The following ZCCHC24 variants were observed in gnomAD, a reference collection of about 807,000 sequenced individuals.
The protein encoded by ZCCHC24 is zinc finger CCHC-type containing 24, also known as zinc finger CCHC domain-containing protein 24.
A neutral mutation model predicts 26.2 loss-of-function variants in ZCCHC24; 10 were observed. The ratio of observed to expected loss-of-function variants is 0.38; its 90% confidence interval spans 0.24 to 0.65. ZCCHC24 has a LOEUF of 0.65. Among genes scored for constraint, ZCCHC24 ranks in the 30% least tolerant of loss-of-function variants. The pLI, the probability that ZCCHC24 is intolerant of heterozygous loss-of-function variation, is 0.54. For missense variants in ZCCHC24, 243 were observed against 329.1 expected, an observed-to-expected ratio of 0.74 and a Z score of 2.03; for synonymous variants, 144 against 147.1, an observed-to-expected ratio of 0.98 and a Z score of 0.15.
At chr10:79,393,004 C>A (rs1328549521) in intron 3 of ZCCHC24, among the ~76,000 whole-genome samples, 1 of 152,220 alleles carries the variant, frequency 6.6e-6, no homozygotes, top group Non-Finnish European at 1.5e-5. Flanking sequence ...CGACCCCACC[C>A]CAGGCTTCTA....
intron 2 of ZCCHC24, among the ~76,000 whole-genome samples, chr10:79,397,598 C>T (rs1449245513): frequency 6.6e-6 from 1 of 152,198 alleles, no homozygotes; most frequent in African/African-American, 2.4e-5. Flanking sequence ...GAAGCATCTA[C>T]GTCTTCAGAG....
chr10:79,389,159 C>T (rs147175883), intron 3 of ZCCHC24, among the ~76,000 whole-genome samples: 7 of 152,322 alleles, frequency 4.6e-5, no homozygotes, highest in East Asian at 3.9e-4. Flanking sequence ...ACAGGCACAG[C>T]GCTCTCCCCT....
At chr10:79,437,747 C>T (rs1019917102) in intron 1 of ZCCHC24, among the ~76,000 whole-genome samples, 8 of 152,244 alleles carry the variant, frequency 5.3e-5, no homozygotes, top group African/African-American at 1.7e-4. Context: ...GGTTCTGCTG[C>T]AGAATACGGG....
chr10:79,386,704 G>A (rs1856403048), intron 3 of ZCCHC24, among the ~76,000 whole-genome samples: 1 of 152,144 alleles, frequency 6.6e-6, no homozygotes. Context: ...CGGTGCCGGG[G>A]CCCTCCTCCT....
intron 2 of ZCCHC24, among the ~76,000 whole-genome samples, chr10:79,424,015 C>G (rs534824839): frequency 1.4e-5 from 1 of 72,772 alleles, no homozygotes; most frequent in Admixed American, 1.4e-4. Flanking sequence ...GAGACTCCGT[C>G]TGAAAAAAAA....
At chr10:79,445,148 G>GCGGTGGGA (rs1409394927) in intron 1 of ZCCHC24, 47 bp downstream of exon 1, 1 of 1,258,856 alleles carries the variant, frequency 7.9e-7, no homozygotes, top group African/African-American at 1.6e-5. Context: ...CCACGGTGGG[G>GCGGTGGGA]CGGTGGGGCG....
chr10:79,438,533 C>T (rs1857249318), intron 1 of ZCCHC24, among the ~76,000 whole-genome samples: 1 of 152,296 alleles, frequency 6.6e-6, no homozygotes, highest in African/African-American at 2.4e-5. Context: ...AAAGCTGACC[C>T]ATGGGCCAGG....
At chr10:79,441,933 G>A (rs1241357548) in intron 1 of ZCCHC24, among the ~76,000 whole-genome samples, 1 of 152,240 alleles carries the variant, frequency 6.6e-6, no homozygotes, top group Non-Finnish European at 1.5e-5. Context: ...AGGGGCCCAA[G>A]AGGCCATCTT....
intron 1 of ZCCHC24, chr10:79,444,230 C>A: frequency 6.7e-7 from 1 of 1,483,202 alleles, no homozygotes; most frequent in South Asian, 1.4e-5. Context: ...GTCTGAAATT[C>A]CCAAATGAGG....
rs1856431468 is a variant in ZCCHC24 at position 79,388,594 on chromosome 10, C to T, written c.613-2136G>A. The stretch of plus-strand genomic sequence containing the variant: ...CAGTCGTGAAGTGTCCCCTCCAGCA[C>T]ACCAAAACAAAGCTGGTTTGCAGCC... On this transcript the variant is annotated intron_variant, in intron 3 of 3. Coordinates refer to ENST00000372336, the MANE Select transcript of ZCCHC24 (RefSeq NM_153367.4). Among the ~76,000 whole-genome samples, 3 of 152,206 alleles carry T rather than the reference C, an allele frequency of 2.0e-5. No homozygotes were observed. The South Asian group carries it at 6.2e-4, about 32-fold the overall frequency.
At chr10:79,401,868 C>T (rs1856637203) in intron 2 of ZCCHC24, among the ~76,000 whole-genome samples, 1 of 152,252 alleles carries the variant, frequency 6.6e-6, no homozygotes, top group Non-Finnish European at 1.5e-5. Flanking sequence ...CCTGCTGGCC[C>T]CTGTCCTGCC....
At chr10:79,410,715 T>G (rs1856778664) in intron 2 of ZCCHC24, among the ~76,000 whole-genome samples, 1 of 137,814 alleles carries the variant, frequency 7.3e-6, no homozygotes, top group South Asian at 2.3e-4. Context: ...TCTCTTTGGC[T>G]GCTGAGTGGA....
At position 79,445,570 on chromosome 10, in the gene ZCCHC24, C is replaced by A; in HGVS notation, c.-130G>T. On this transcript the variant is annotated 5_prime_UTR_variant, in exon 1 of 4. In the 5' UTR this introduces an upstream ATG that the reference lacks. Coordinates refer to ENST00000372336, the MANE Select transcript of ZCCHC24 (RefSeq NM_153367.4). ...GCCCCGACGGTGATCGCCCCGCGCC[C>A]TGCGCCCCGCGCGCTGCCCGCAGCC... 1.2e-6 allele frequency: 1 copy of A among 817,752 alleles called. No individual in the cohort carries two copies. Among genetic ancestry groups the A allele is most frequent in the South Asian group, 5.6e-5 (1 of 18,010 alleles). The allele number at this position is 817,752 out of a possible 1,614,324, so 50.7% of individuals were successfully genotyped here.
At chr10:79,398,454 CTCT>C (rs973907727) in intron 2 of ZCCHC24, among the ~76,000 whole-genome samples, 34 of 152,302 alleles carry the variant, frequency 2.2e-4, no homozygotes, top group African/African-American at 7.7e-4. Flanking sequence ...CAGGGTGATT[CTCT>C]TCTTCGTTGC....
chr10:79,405,869 C>T (rs1479339498), intron 2 of ZCCHC24, among the ~76,000 whole-genome samples: 2 of 152,252 alleles, frequency 1.3e-5, no homozygotes, highest in Admixed American at 6.5e-5. Context: ...CAGTTTGGGG[C>T]CACTCTGGCA....
rs1420993950 is a variant in ZCCHC24 at position 79,432,625 on chromosome 10, C to T, written c.380G>A (p.Arg127Gln). 10 of 1,608,492 alleles carry T rather than the reference C, an allele frequency of 6.2e-6. No individual in the cohort carries two copies. The highest frequency in any genetic ancestry group is 1.7e-5 in the Admixed American group (1 of 58,994). ...GTGGCACAGGTAGTTGGGTGGGGGCCGCTTGCTGGGCTTGCGAGCCTCGGA... is the reference window on the plus strand; with the variant it reads ...GTGGCACAGGTAGTTGGGTGGGGGCTGCTTGCTGGGCTTGCGAGCCTCGGA... ...LTSEARKPSK[R>Q]PPPNYLCHLC... is the part of the protein sequence containing the mutation. Residue 127 changes from arginine to glutamine, a missense_variant, in exon 2 of 4, where the codon CGG (arginine) becomes CAG (glutamine). Physicochemically the swap from Arg to Gln is conservative, Grantham distance 43. Around this residue, in one of 2 missense-constraint regions of ZCCHC24, gnomAD observed 96 missense variants for 178.3 expected, o/e 0.54. Coordinates refer to ENST00000372336, the MANE Select transcript of ZCCHC24 (RefSeq NM_153367.4).
chr10:79,423,591 A>ATTT lies in ZCCHC24; in HGVS notation c.447+8966_447+8967insAAA, dbSNP rs373110200. 5.9e-3 allele frequency among the ~76,000 whole-genome samples: 293 copies of ATTT among 49,370 alleles called. 10 individuals are homozygous for ATTT. The highest frequency in any genetic ancestry group is 8.9e-3 in the Admixed American group (41 of 4,606). The allele number at this position is 49,370 out of a possible 152,430, so 32.4% of individuals were successfully genotyped here. On this transcript the variant is annotated intron_variant, in intron 2 of 3. Transcript: ENST00000372336. ...AACAAAATATATATACTATATATATATATATATATATATATATATTTTCTG... is the reference window on the plus strand; with the variant it reads ...AACAAAATATATATACTATATATATATTTTATATATATATATATATATTTTCTG...
intron 3 of ZCCHC24, among the ~76,000 whole-genome samples, chr10:79,394,042 G>A (rs1236290472): frequency 6.6e-6 from 1 of 152,188 alleles, no homozygotes; most frequent in Non-Finnish European, 1.5e-5. Flanking sequence ...TCTCACAACA[G>A]CACACCCTGT....
chr10:79,403,551 C>T (rs976095097), intron 2 of ZCCHC24: 23 of 985,276 alleles, frequency 2.3e-5, no homozygotes, highest in Non-Finnish European at 2.7e-5. Flanking sequence ...GGCTGGGCCG[C>T]GGCCTGCAGG....
Sources: gnomAD v4.1 joint callset for allele counts (sites outside exome capture counted in the v4.1 genomes callset) on GRCh38, gnomAD v4.1.1 for gene constraint, gnomAD v4.1.1 regional missense constraint, MANE v1.5 for transcripts, NCBI Gene and HGNC (gene_info 2026-07-23, HGNC 2026-07-21) for gene names.